Variants in HSPA12B observed in about 807,000 individuals in gnomAD.
The protein encoded by HSPA12B is heat shock protein family A (Hsp70) member 12B.
A neutral mutation model predicts 69.3 loss-of-function variants in HSPA12B; 54 were observed. That is an observed-to-expected ratio of 0.78 (90% CI 0.63 to 0.98). HSPA12B has a LOEUF of 0.98. Among genes scored for constraint, HSPA12B ranks in the 50% least tolerant of loss-of-function variants. HSPA12B has a pLI of 0.00. For synonymous variants in HSPA12B, 441 were observed against 436.5 expected (o/e 1.01, Z -0.13); for missense variants, 929 against 999.8 (o/e 0.93, Z 0.96).
chr20:3,751,963 A>G lies in HSPA12B; in HGVS notation c.1858A>G (p.Thr620Ala). Reference protein sequence around the residue: ...CCAAEDARFITDPGVRKCGAL... With the variant: ...CCAAEDARFIADPGVRKCGAL... ...CGCGGCAGAGGATGCGCGCTTCATC[A>G]CCGACCCCGGCGTGCGCAAATGCGG... The change falls in exon 13 of 13, where the codon ACC (threonine) becomes GCC (alanine). Residue 620 changes from threonine (T) to alanine (A), a missense_variant. Transcript: ENST00000254963. 1 of 1,580,512 alleles carries G rather than the reference A, an allele frequency of 6.3e-7. No individual in the cohort carries two copies. Among genetic ancestry groups the G allele is most frequent in the South Asian group, 1.1e-5 (1 of 88,250 alleles).
At position 3,752,395 on chromosome 20, in the gene HSPA12B, C is replaced by A; in HGVS notation, c.*229C>A. 1 of 467,272 alleles carries A rather than the reference C, an allele frequency of 2.1e-6. No homozygotes were observed. The highest frequency in any genetic ancestry group is 3.7e-6 in the Non-Finnish European group (1 of 269,740). The allele number at this position is 467,272 out of a possible 1,614,324, so 28.9% of individuals were successfully genotyped here. A position where few individuals can be genotyped will look rare whatever the true frequency, so the allele number is the denominator to read the frequency against. Reference sequence around the variant, plus strand: ...CTGACTGCCAGGCTGAAGGGACCCGCCAAGGACTGAACGGGTAAGAGAAGA... The same window carrying A: ...CTGACTGCCAGGCTGAAGGGACCCGACAAGGACTGAACGGGTAAGAGAAGA... On this transcript the variant is annotated 3_prime_UTR_variant, in exon 13 of 13. Transcript: ENST00000254963.
At chr20:3,750,571 C>T (rs750969664) in intron 11 of HSPA12B, 23 of 738,628 alleles carry the variant, frequency 3.1e-5, no homozygotes, top group Non-Finnish European at 3.8e-5. Flanking sequence ...GAGGCCCCTC[C>T]CAGGACCTCG....
At position 3,740,829 on chromosome 20, in the gene HSPA12B, C is replaced by G. The variant is rs560653858; in HGVS notation, c.58C>G (p.Arg20Gly). 3 of 1,613,476 alleles carry G rather than the reference C, an allele frequency of 1.9e-6. No individual in the cohort carries two copies. Among genetic ancestry groups the G allele is most frequent in the Non-Finnish European group, 2.5e-6 (3 of 1,179,852 alleles). The change falls in exon 3 of 13, where the codon CGG becomes GGG. Residue 20 changes from arginine to glycine, a missense_variant. Transcript: ENST00000254963. This position sits in a 1 kb window ranked among gnomAD's most constrained non-coding sequence, Gnocchi z 4.9. ...QGLYIGSSPE[R>G]SPVPSPPGSP... is the part of the protein sequence containing the mutation. Reference sequence around the variant, plus strand: ...CTTCTCTGCAGGCTCCAGCCCGGAGCGGTCCCCAGTGCCTAGCCCACCCGG... The same window carrying G: ...CTTCTCTGCAGGCTCCAGCCCGGAGGGGTCCCCAGTGCCTAGCCCACCCGG...
At chr20:3,739,996 G>A (rs2088171382) in intron 2 of HSPA12B, among the ~76,000 whole-genome samples, 1 of 152,172 alleles carries the variant, frequency 6.6e-6, no homozygotes, top group African/African-American at 2.4e-5. Context: ...AGGCCCTCCT[G>A]CCCCATAAGC....
intron 4 of HSPA12B, among the ~76,000 whole-genome samples, chr20:3,743,575 A>G (rs1054172241): frequency 6.6e-6 from 1 of 152,182 alleles, no homozygotes; most frequent in Non-Finnish European, 1.5e-5. Context: ...AAAGTGAGAT[A>G]TACAACTTGC....
chr20:3,749,742 C>T lies in HSPA12B; in HGVS notation c.938-8C>T. On this transcript the variant is annotated splice_region_variant and splice_polypyrimidine_tract_variant and intron_variant, in intron 9 of 12. Coordinates refer to ENST00000254963, the MANE Select transcript of HSPA12B (RefSeq NM_052970.5). This position sits in a 1 kb window ranked among gnomAD's most constrained non-coding sequence, Gnocchi z 5.5. ...CCCACGAGTGTGTGCCCGCGCTCGCCGCCGCAGGAGACCGCTACGTGGTGG... is the reference window on the plus strand; with the variant it reads ...CCCACGAGTGTGTGCCCGCGCTCGCTGCCGCAGGAGACCGCTACGTGGTGG... 3.8e-6 allele frequency: 6 copies of T among 1,574,188 alleles called. No individual in the cohort carries two copies. The highest frequency in any genetic ancestry group is 5.2e-6 in the Non-Finnish European group (6 of 1,164,494).
rs928780532 is a variant in HSPA12B at position 3,740,613 on chromosome 20, G to A, written c.44-202G>A. 6.6e-6 allele frequency among the ~76,000 whole-genome samples: 1 copy of A among 152,134 alleles called. No homozygotes were observed. The highest frequency in any genetic ancestry group is 1.5e-5 in the Non-Finnish European group (1 of 68,008). On this transcript the variant is annotated intron_variant, in intron 2 of 12. Coordinates refer to ENST00000254963, the MANE Select transcript of HSPA12B (RefSeq NM_052970.5). This position sits in a 1 kb window ranked among gnomAD's most constrained non-coding sequence, Gnocchi z 4.9. ...AGCATGGGTCATCTGCTAGGGAAAC[G>A]TTGCCTCTGACAGCAGACCCTCAGC...
At position 3,745,487 on chromosome 20, in the gene HSPA12B, T is replaced by G; in HGVS notation, c.454-6T>G. 1 of 1,611,894 alleles carries G rather than the reference T, an allele frequency of 6.2e-7. No homozygotes were observed. The highest frequency in any genetic ancestry group is 8.5e-7 in the Non-Finnish European group (1 of 1,177,950). ...CTCCTGCAGAGCCGCCCTGTGTCCC[T>G]GCCAGGATCTCACCTTGAAGACCCA... On this transcript the variant is annotated splice_region_variant and splice_polypyrimidine_tract_variant and intron_variant, in intron 5 of 12. Coordinates refer to ENST00000254963, the MANE Select transcript of HSPA12B (RefSeq NM_052970.5). The surrounding 1 kb of genome is among the most constrained non-coding windows in gnomAD (Gnocchi z 5.6).
At chr20:3,741,067 C>G (rs532989931) in intron 3 of HSPA12B, among the ~76,000 whole-genome samples, 155 bp downstream of exon 3, 1 of 152,124 alleles carries the variant, frequency 6.6e-6, no homozygotes, top group East Asian at 1.9e-4. Context: ...ATGTGCCCCC[C>G]AGAAGGATTG....
rs1568482356 is a variant in HSPA12B, at chr20:3,752,388, G to T, written c.*222G>T. 1 of 481,312 alleles carries T rather than the reference G, an allele frequency of 2.1e-6. No individual in the cohort carries two copies. 29.8% of individuals were successfully genotyped at this position (481,312 alleles called of 1,614,324 possible). A position where few individuals can be genotyped will look rare whatever the true frequency, so the allele number is the denominator to read the frequency against. ...TGGTCCGCTGACTGCCAGGCTGAAGGGACCCGCCAAGGACTGAACGGGTAA... is the reference window on the plus strand; with the variant it reads ...TGGTCCGCTGACTGCCAGGCTGAAGTGACCCGCCAAGGACTGAACGGGTAA... On this transcript the variant is annotated 3_prime_UTR_variant, in exon 13 of 13. Transcript: ENST00000254963.
Position 3,746,936 on chromosome 20 carries a change from G to A in HSPA12B, c.675+905G>A, listed in dbSNP as rs2088317341. Among the ~76,000 whole-genome samples, 3 of 152,204 alleles carry A rather than the reference G, an allele frequency of 2.0e-5. No individual in the cohort carries two copies. In the South Asian group the frequency reaches 6.2e-4, roughly 31 times the overall value. Reference sequence around the variant, plus strand: ...CCAATAGCAGCCAACACTCACAGTGGCAGGCAGGGCACCCAGAACATTCAC... The same window carrying A: ...CCAATAGCAGCCAACACTCACAGTGACAGGCAGGGCACCCAGAACATTCAC... On this transcript the variant is annotated intron_variant, in intron 7 of 12. Coordinates refer to ENST00000254963, the MANE Select transcript of HSPA12B (RefSeq NM_052970.5).
At position 3,748,199 on chromosome 20, in the gene HSPA12B, C is replaced by A; in HGVS notation, c.676-18C>A. The A allele has an allele frequency of 6.5e-7, 1 of 1,529,594 alleles. No homozygotes were observed. The highest frequency in any genetic ancestry group is 1.2e-5 in the South Asian group (1 of 80,582). 94.8% of individuals were successfully genotyped at this position (1,529,594 alleles called of 1,614,324 possible). A position where few individuals can be genotyped will look rare whatever the true frequency, so the allele number is the denominator to read the frequency against. ...CAGCCCACAGTGCTGCCTGACCCTGCCCACCACCCATCCCCAGGCTGGACT... is the reference window on the plus strand; with the variant it reads ...CAGCCCACAGTGCTGCCTGACCCTGACCACCACCCATCCCCAGGCTGGACT... On this transcript the variant is annotated intron_variant, in intron 7 of 12. Transcript: ENST00000254963.
intron 1 of HSPA12B, among the ~76,000 whole-genome samples, chr20:3,733,166 G>A (rs1290518279): frequency 3.9e-5 from 6 of 152,116 alleles, no homozygotes; most frequent in Non-Finnish European, 8.8e-5. Flanking sequence ...TTGAGTGTAT[G>A]TGTGTGTGTT....
Position 3,740,742 on chromosome 20 carries a change from G to A in HSPA12B, c.44-73G>A. 1 of 1,190,412 alleles carries A rather than the reference G, an allele frequency of 8.4e-7. No individual in the cohort carries two copies. The highest frequency in any genetic ancestry group is 1.2e-6 in the Non-Finnish European group (1 of 815,480). 73.7% of individuals were successfully genotyped at this position (1,190,412 alleles called of 1,614,324 possible). ...GCAAGGACTGATGGAGAACCTTTGG[G>A]TGCCTGGCTTGGGGCCCCGCTGCCA... On this transcript the variant is annotated intron_variant, in intron 2 of 12. Coordinates refer to ENST00000254963, the MANE Select transcript of HSPA12B (RefSeq NM_052970.5). The surrounding 1 kb of genome is among the most constrained non-coding windows in gnomAD (Gnocchi z 4.9).
At chr20:3,734,254 A>G (rs1017013608) in intron 1 of HSPA12B, among the ~76,000 whole-genome samples, 8 of 152,086 alleles carry the variant, frequency 5.3e-5, no homozygotes, top group Non-Finnish European at 1.2e-4. Context: ...TCTGGTTGTG[A>G]GTTCCTGCTG....
chr20:3,733,358 TGA>T, intron 1 of HSPA12B, among the ~76,000 whole-genome samples: 1 of 152,012 alleles, frequency 6.6e-6, no homozygotes, highest in South Asian at 2.1e-4. Context: ...CGTGTGTTGA[TGA>T]GAGAGACTGG....
chr20:3,745,572 G>A lies in HSPA12B; in HGVS notation c.533G>A (p.Arg178His). 1.2e-6 allele frequency: 2 copies of A among 1,614,106 alleles called. No individual in the cohort carries two copies. The highest frequency in any genetic ancestry group is 1.7e-6 in the Non-Finnish European group (2 of 1,179,994). The change falls in exon 6 of 13, where the codon CGC (arginine) becomes CAC (histidine). Residue 178 changes from arginine (R) to histidine (H), a missense_variant. Transcript: ENST00000254963. This position sits in a 1 kb window ranked among gnomAD's most constrained non-coding sequence, Gnocchi z 5.6. ...PALEVFAHAL[R>H]FFREHALQEL... The stretch of plus-strand genomic sequence containing the variant: ...CTGGAGGTGTTCGCCCATGCCCTGC[G>A]CTTCTTCAGGGAGCACGCCCTTCAG...
In HSPA12B at chr20:3,750,155, T is replaced by G. The variant is rs1568479752; in HGVS notation, c.1229T>G (p.Leu410Arg). 6.2e-7 allele frequency: 1 copy of G among 1,611,770 alleles called. No homozygotes were observed. Among genetic ancestry groups the G allele is most frequent in the African/African-American group, 1.3e-5 (1 of 75,040 alleles). ...PHRAGALNISLPFSFIDFYRK... is the reference protein window; with the variant it reads ...PHRAGALNISRPFSFIDFYRK... ...CGTGCAGGGGCGCTCAACATCTCGC[T>G]GCCCTTCTCCTTCATTGACTTCTAC... Residue 410 changes from leucine to arginine, a missense_variant, in exon 11 of 13, where the codon CTG (leucine) becomes CGG (arginine). Transcript: ENST00000254963.
intron 7 of HSPA12B, 145 bp from the exon 8 acceptor site, chr20:3,748,072 A>C: frequency 1.4e-6 from 1 of 731,008 alleles, no homozygotes; most frequent in Non-Finnish European, 2.1e-6. Context: ...TGTGCAGCAC[A>C]GAGGGGCCTG....
Sources: allele counts gnomAD v4.1 joint callset (sites outside exome capture counted in the v4.1 genomes callset), GRCh38; gene constraint gnomAD v4.1.1; non-coding constraint Gnocchi (gnomAD v3.1); transcripts MANE v1.5; gene names NCBI Gene and HGNC (gene_info 2026-07-23, HGNC 2026-07-21).